Variants in DMBX1 observed in about 807,000 individuals in gnomAD.
DMBX1 encodes diencephalon/mesencephalon homeobox 1.
DMBX1 carries 7 observed loss-of-function variants against 30.4 expected under a neutral mutation model. The observed-to-expected ratio is 0.23, with a 90% CI of 0.13 to 0.43. The LOEUF (loss-of-function observed/expected upper bound fraction) is 0.43, where lower values mean the gene tolerates loss of function less well. DMBX1 is among the 20% of genes least tolerant of loss of function. The pLI is 1.00. For synonymous variants in DMBX1, 222 were observed against 214.2 expected, an observed-to-expected ratio of 1.04 and a Z score of -0.32; for missense variants, 460 against 508.5, an observed-to-expected ratio of 0.90 and a Z score of 0.92.
chr1:46,494,430 G>T (rs1665989831), intron 2 of DMBX1, among the ~76,000 whole-genome samples: 1 of 152,214 alleles, frequency 6.6e-6, no homozygotes, highest in African/African-American at 2.4e-5. Context: ...TTAGCCTGCG[G>T]GGGGCTAATT....
At chr1:46,496,841 C>T (rs944738581) in intron 2 of DMBX1, among the ~76,000 whole-genome samples, 5 of 152,206 alleles carry the variant, frequency 3.3e-5, no homozygotes, top group Admixed American at 6.5e-5. Flanking sequence ...GGGCAGGAGC[C>T]CTGGCTTGCT....
Position 46,493,920 on chromosome 1 carries a change from C to T in DMBX1, c.-13+3137C>T, listed in dbSNP as rs956284016. 4.6e-5 allele frequency among the ~76,000 whole-genome samples: 7 copies of T among 152,254 alleles called. No individual in the cohort carries two copies. The highest frequency in any genetic ancestry group is 8.8e-5 in the Non-Finnish European group (6 of 68,042). On this transcript the variant is annotated intron_variant, in intron 2 of 5. Transcript: ENST00000360032. The surrounding 1 kb of genome is among the most constrained non-coding windows in gnomAD (Gnocchi z 4.1). Reference sequence around the variant, plus strand: ...CTCTGTAGTCCCTGTTTCCCAGCCCCGGCCTGGATCTGGATGGCCAAAAGT... The same window carrying T: ...CTCTGTAGTCCCTGTTTCCCAGCCCTGGCCTGGATCTGGATGGCCAAAAGT...
chr1:46,512,081 G>C lies in DMBX1; in HGVS notation c.721G>C (p.Gly241Arg), dbSNP rs750250188. ...CCTGACCATCACTCCTGTGGCCCCA[G>C]GGGGTGGCCTCCTGGGCCCCTCCCA... is the stretch of plus-strand genomic sequence containing the variant. The part of the protein sequence containing the change: ...GSLTITPVAP[G>R]GGLLGPSHSY... The change falls in exon 6 of 6, where the codon GGG becomes CGG. Residue 241 changes from glycine to arginine, a missense_variant. Gly to Arg is a moderately radical substitution (Grantham distance 125). This residue lies in a region of DMBX1 where 334 missense variants were observed against 345.1 expected (regional missense o/e 0.97). Coordinates refer to ENST00000360032, the MANE Select transcript of DMBX1 (RefSeq NM_172225.2). This position sits in a 1 kb window ranked among gnomAD's most constrained non-coding sequence, Gnocchi z 4.8. The C allele has an allele frequency of 9.9e-6, 16 of 1,613,228 alleles. No homozygotes were observed. The highest frequency in any genetic ancestry group is 1.2e-5 in the Non-Finnish European group (14 of 1,179,888).
In DMBX1 at chr1:46,510,950, C is replaced by T. The variant is rs1666354192; in HGVS notation, c.349C>T (p.Arg117Cys). ...EARVQVWFKN[R>C]RAKFRKKQRS... ...CCGTCCCCAGGTGTGGTTCAAGAAC[C>T]GCCGGGCCAAGTTCCGGAAGAAGCA... is the stretch of plus-strand genomic sequence containing the variant. The change falls in exon 5 of 6, where the codon CGC becomes TGC. Residue 117 changes from arginine to cysteine, a missense_variant. Arg to Cys is a radical substitution (Grantham distance 180, BLOSUM62 -3). Coordinates refer to ENST00000360032, the MANE Select transcript of DMBX1 (RefSeq NM_172225.2). This position sits in a 1 kb window ranked among gnomAD's most constrained non-coding sequence, Gnocchi z 4.1. 2.5e-6 allele frequency: 4 copies of T among 1,605,518 alleles called. No individual in the cohort carries two copies. The highest frequency in any genetic ancestry group is 2.6e-6 in the Non-Finnish European group (3 of 1,175,128).
rs535898290 is a variant in DMBX1 at position 46,512,236 on chromosome 1, G to A, written c.876G>A (p.Ala292=). 6.8e-6 allele frequency: 11 copies of A among 1,613,588 alleles called. No homozygotes were observed. The highest frequency in any genetic ancestry group is 6.7e-5 in the East Asian group (3 of 44,886). ...GGGGTCCGGCCCCTGCTGCTGCAGC[G>A]GCGGCTGCTGCTGTGCCCTACCTGG... ...EVGGPAPAAA[A]AAAAVPYLGV... The change falls in exon 6 of 6, where the codon GCG becomes GCA. Residue 292 remains alanine, a synonymous_variant. Coordinates refer to ENST00000360032, the MANE Select transcript of DMBX1 (RefSeq NM_172225.2). The surrounding 1 kb of genome is among the most constrained non-coding windows in gnomAD (Gnocchi z 4.8).
At position 46,511,195 on chromosome 1, in the gene DMBX1, C is replaced by T; in HGVS notation, c.594C>T (p.Pro198=). ...PEDQPDREED[P]RAGAEDPKAE... is the part of the protein sequence containing the mutation. ...ATCAGCCGGACCGTGAGGAGGACCC[C>T]AGGGCAGGGGCTGAGGACCCCAAAG... Residue 198 remains proline, a synonymous_variant, in exon 5 of 6, where the codon CCC becomes CCT. Transcript: ENST00000360032. 1 of 1,613,564 alleles carries T rather than the reference C, an allele frequency of 6.2e-7. No homozygotes were observed. Among genetic ancestry groups the T allele is most frequent in the Non-Finnish European group, 8.5e-7 (1 of 1,179,966 alleles).
Position 46,499,712 on chromosome 1 carries a change from G to T in DMBX1, c.-12-7287G>T, listed in dbSNP as rs189314955. Reference sequence around the variant, plus strand: ...TTCTGCGCTAGACCCTGTGATCTGGGCTGGGGGCGGGGTGGGTGTCCAGAA... The same window carrying T: ...TTCTGCGCTAGACCCTGTGATCTGGTCTGGGGGCGGGGTGGGTGTCCAGAA... On this transcript the variant is annotated intron_variant, in intron 2 of 5. Coordinates refer to ENST00000360032, the MANE Select transcript of DMBX1 (RefSeq NM_172225.2). 1.2e-4 allele frequency among the ~76,000 whole-genome samples: 19 copies of T among 152,268 alleles called. No individual in the cohort carries two copies. The East Asian group carries it at 3.3e-3, about 26-fold the overall frequency.
intron 3 of DMBX1, among the ~76,000 whole-genome samples, chr1:46,509,048 T>G (rs1431594206): frequency 6.6e-6 from 1 of 152,032 alleles, no homozygotes; most frequent in Non-Finnish European, 1.5e-5. Context: ...GCTTCCTGGA[T>G]ACCCAGTTGC....
At chr1:46,499,515 G>T (rs1033187864) in intron 2 of DMBX1, among the ~76,000 whole-genome samples, 2 of 152,216 alleles carry the variant, frequency 1.3e-5, no homozygotes, top group Admixed American at 1.3e-4. Flanking sequence ...ATGGCCTTTA[G>T]CAAATTATCC....
rs1397557822 is a variant in DMBX1, at chr1:46,515,848, C to T, written c.*3354C>T. ...CTTCCAGGAATGCCTCATGCCTGGCCTCTCCCTGCTGTCTGAGTCTCCATT... is the reference window on the plus strand; with the variant it reads ...CTTCCAGGAATGCCTCATGCCTGGCTTCTCCCTGCTGTCTGAGTCTCCATT... On this transcript the variant is annotated 3_prime_UTR_variant, in exon 6 of 6. Coordinates refer to ENST00000360032, the MANE Select transcript of DMBX1 (RefSeq NM_172225.2). 6.6e-6 allele frequency among the ~76,000 whole-genome samples: 1 copy of T among 152,202 alleles called. No homozygotes were observed. Among genetic ancestry groups the T allele is most frequent in the East Asian group, 1.9e-4 (1 of 5,180 alleles).
In DMBX1 at chr1:46,514,220, A is replaced by AT. The variant is rs1666445707; in HGVS notation, c.*1726_*1727insT. The stretch of plus-strand genomic sequence containing the variant: ...GGAGTGAGACTCCATCTCAAAAAAA[A>AT]AAAAAAAATAAATAAAAGCTGTGTG... On this transcript the variant is annotated 3_prime_UTR_variant, in exon 6 of 6. Transcript: ENST00000360032. 3 of 124,580 alleles carry AT rather than the reference A, an allele frequency of 2.4e-5. No individual in the cohort carries two copies. The highest frequency in any genetic ancestry group is 9.4e-5 in the African/African-American group (3 of 31,868). 7.7% of individuals were successfully genotyped at this position (124,580 alleles called of 1,614,324 possible). A position where few individuals can be genotyped will look rare whatever the true frequency, so the allele number is the denominator to read the frequency against.
rs1477034317 is a variant in DMBX1, at chr1:46,514,840, G to T, written c.*2346G>T. On this transcript the variant is annotated 3_prime_UTR_variant, in exon 6 of 6. Coordinates refer to ENST00000360032, the MANE Select transcript of DMBX1 (RefSeq NM_172225.2). ...TCACCCTTGATGGGGGTCAGCCTAG[G>T]CTGGGGCAGATGGAGAAGGCTTTGG... is the stretch of plus-strand genomic sequence containing the variant. Among the ~76,000 whole-genome samples the T allele has an allele frequency of 6.6e-6, 1 of 152,182 alleles. No homozygotes were observed. The highest frequency in any genetic ancestry group is 2.4e-5 in the African/African-American group (1 of 41,428).
chr1:46,502,224 G>C (rs11580235), intron 2 of DMBX1, among the ~76,000 whole-genome samples: 49,055 of 152,130 alleles, frequency 0.32, 10,208 homozygotes, highest in Non-Finnish European at 0.47. Flanking sequence ...TCACGTGTCA[G>C]TCATTCTTGC....
In DMBX1 at chr1:46,512,107, C is replaced by A; in HGVS notation, c.747C>A (p.His249Gln). 1 of 1,613,878 alleles carries A rather than the reference C, an allele frequency of 6.2e-7. No homozygotes were observed. The highest frequency in any genetic ancestry group is 8.5e-7 in the Non-Finnish European group (1 of 1,179,956). Reference sequence around the variant, plus strand: ...GGGGTGGCCTCCTGGGCCCCTCCCACTCCTATTCCTCGTCCCCGCTGAGCC... The same window carrying A: ...GGGGTGGCCTCCTGGGCCCCTCCCAATCCTATTCCTCGTCCCCGCTGAGCC... Reference protein sequence around the residue: ...APGGGLLGPSHSYSSSPLSLF... With the variant: ...APGGGLLGPSQSYSSSPLSLF... Residue 249 changes from histidine (H) to glutamine (Q), a missense_variant, in exon 6 of 6, where the codon CAC becomes CAA. By Grantham distance (24) the His-to-Gln change is conservative. Transcript: ENST00000360032. This position sits in a 1 kb window ranked among gnomAD's most constrained non-coding sequence, Gnocchi z 4.8.
intron 2 of DMBX1, among the ~76,000 whole-genome samples, chr1:46,494,605 G>A (rs777506744): frequency 2.0e-4 from 30 of 152,162 alleles, no homozygotes; most frequent in Non-Finnish European, 1.0e-4. Flanking sequence ...TCTCCCAGTG[G>A]GTTCTTCTCC....
At position 46,512,468 on chromosome 1, in the gene DMBX1, C is replaced by T. The variant is rs1009938782; in HGVS notation, c.1108C>T (p.Leu370=). Residue 370 remains leucine (L), a synonymous_variant, in exon 6 of 6, where the codon CTG becomes TTG. Coordinates refer to ENST00000360032, the MANE Select transcript of DMBX1 (RefSeq NM_172225.2). This position sits in a 1 kb window ranked among gnomAD's most constrained non-coding sequence, Gnocchi z 4.8. ...CCGGGCCAAGCAGCACGCGGCCTCCCTGGGACTCGATACGCTGCCCAACTG... is the reference window on the plus strand; with the variant it reads ...CCGGGCCAAGCAGCACGCGGCCTCCTTGGGACTCGATACGCTGCCCAACTG... ...RLRAKQHAAS[L]GLDTLPN 1 of 1,612,222 alleles carries T rather than the reference C, an allele frequency of 6.2e-7. No individual in the cohort carries two copies. The highest frequency in any genetic ancestry group is 8.5e-7 in the Non-Finnish European group (1 of 1,178,986).
At chr1:46,494,196 G>A (rs368887373) in intron 2 of DMBX1, among the ~76,000 whole-genome samples, 2 of 152,216 alleles carry the variant, frequency 1.3e-5, no homozygotes, top group South Asian at 2.1e-4. Context: ...GGCCTACCCC[G>A]CCACCTACCT....
rs1666384591 is a variant in DMBX1 at position 46,512,083 on chromosome 1, G to T, written c.723G>T (p.Gly241=). The T allele has an allele frequency of 6.2e-7, 1 of 1,613,162 alleles. No homozygotes were observed. The highest frequency in any genetic ancestry group is 1.3e-5 in the African/African-American group (1 of 74,836). Residue 241 remains glycine, a synonymous_variant, in exon 6 of 6, where the codon GGG becomes GGT. Coordinates refer to ENST00000360032, the MANE Select transcript of DMBX1 (RefSeq NM_172225.2). The surrounding 1 kb of genome is among the most constrained non-coding windows in gnomAD (Gnocchi z 4.8). ...GSLTITPVAP[G]GGLLGPSHSY... The stretch of plus-strand genomic sequence containing the variant: ...TGACCATCACTCCTGTGGCCCCAGG[G>T]GGTGGCCTCCTGGGCCCCTCCCACT...
At chr1:46,511,343 A>C (rs2148491540) in intron 5 of DMBX1, 60 bp downstream of exon 5, 1 of 1,437,838 alleles carries the variant, frequency 7.0e-7, no homozygotes, top group Admixed American at 2.6e-5. Context: ...CGTGTGAAGC[A>C]AGTCAGAGGC....
Sources: gnomAD v4.1 joint callset for allele counts (sites outside exome capture counted in the v4.1 genomes callset) on GRCh38, gnomAD v4.1.1 for gene constraint, gnomAD v4.1.1 regional missense constraint, Gnocchi (gnomAD v3.1) non-coding constraint, MANE v1.5 for transcripts, NCBI Gene and HGNC (gene_info 2026-07-23, HGNC 2026-07-21) for gene names.